Variants in NUDT6 observed in about 807,000 individuals in gnomAD.
NUDT6 encodes FAD diphosphatase NUDT6.
Under a neutral mutation model 36.8 loss-of-function variants are expected in NUDT6, and 24 were observed. That is an observed-to-expected ratio of 0.65 (90% CI 0.47 to 0.92). The LOEUF is 0.92. NUDT6 is among the 40% of genes least tolerant of loss of function. The pLI, the probability that NUDT6 is intolerant of heterozygous loss-of-function variation, is 0.00. For missense variants in NUDT6, 388 were observed against 392.8 expected, an observed-to-expected ratio of 0.99 and a Z score of 0.10; for synonymous variants, 163 against 157.0, an observed-to-expected ratio of 1.04 and a Z score of -0.29.
chr4:122,904,479 GAC>G (rs1382991681), intron 3 of NUDT6, among the ~76,000 whole-genome samples: 2 of 147,076 alleles, frequency 1.4e-5, no homozygotes, highest in Non-Finnish European at 1.5e-5. Context: ...TTTTTTTTTA[GAC>G]AGAGTCTTGC....
At chr4:122,896,397 G>T (rs1436278362) in intron 4 of NUDT6, 1 of 152,424 alleles carries the variant, frequency 6.6e-6, no homozygotes, top group Non-Finnish European at 1.5e-5. Flanking sequence ...AGATGCAGGA[G>T]AGAGGAAGCC....
chr4:122,905,002 T>A lies in NUDT6; in HGVS notation c.499-7324A>T, dbSNP rs556129028. Among the ~76,000 whole-genome samples the A allele has an allele frequency of 4.2e-4, 64 of 152,254 alleles. 1 individual carries two copies. The South Asian group carries it at 0.013, about 31-fold the overall frequency. On this transcript the variant is annotated intron_variant, in intron 3 of 4. Transcript: ENST00000304430. ...GAGCGAGCAGCAGCAAGATTTACTA[T>A]GAAGAGCCAAAGAACAAAGTTTCCA...
At chr4:122,902,379 T>C (rs531903252) in intron 3 of NUDT6, among the ~76,000 whole-genome samples, 1 of 152,334 alleles carries the variant, frequency 6.6e-6, no homozygotes, top group South Asian at 2.1e-4. Context: ...ATTCATTTTA[T>C]TATTTGTATC....
At chr4:122,919,451 G>C (rs532776927) in intron 1 of NUDT6, 3 of 152,334 alleles carry the variant, frequency 2.0e-5, no homozygotes, top group Middle Eastern at 6.8e-3. Flanking sequence ...TCTTGACCTC[G>C]TGATCTGCCC....
rs56178334 is a variant in NUDT6, at chr4:122,902,536, T to C, written c.499-4858A>G. Among the ~76,000 whole-genome samples the C allele has an allele frequency of 9.1e-3, 1,385 of 152,316 alleles. 9 individuals are homozygous for C. Among genetic ancestry groups the C allele is most frequent in the Non-Finnish European group, 0.014 (950 of 68,010 alleles). On this transcript the variant is annotated intron_variant, in intron 3 of 4. Coordinates refer to ENST00000304430, the MANE Select transcript of NUDT6 (RefSeq NM_007083.5). ...ACATCTCCACCTTATATAATATTCA[T>C]TCGTTTTATTATTTGTATCTTATGC...
chr4:122,921,611 A>AAAACAAACAAAC (rs1553953086), intron 1 of NUDT6: 1 of 119,130 alleles, frequency 8.4e-6, no homozygotes, highest in African/African-American at 3.8e-5. Context: ...AAAAAAAAAA[A>AAAACAAACAAAC]AAAAAAACAA....
intron 2 of NUDT6, among the ~76,000 whole-genome samples, chr4:122,913,608 T>C (rs1213774338): frequency 6.6e-6 from 1 of 152,228 alleles, no homozygotes; most frequent in Non-Finnish European, 1.5e-5. Flanking sequence ...CAATATTCAT[T>C]TCAAGACCTT....
rs369858295 is a variant in NUDT6, at chr4:122,892,940, T to C, written c.839A>G (p.Asp280Gly). The change falls in exon 5 of 5, where the codon GAC becomes GGC. Residue 280 changes from aspartate (D) to glycine (G), a missense_variant. By Grantham distance (94) the Asp-to-Gly change is moderately conservative (BLOSUM62 -1). Coordinates refer to ENST00000304430, the MANE Select transcript of NUDT6 (RefSeq NM_007083.5). ...LLLYGYREGF[D>G]KIDLTVEELP... is the part of the protein sequence containing the mutation. ...TTCTTCCACAGTCAGGTCAATTTTG[T>C]CAAACCCTTCTCTGTACCCATACAG... 6.2e-7 allele frequency: 1 copy of C among 1,614,094 alleles called. No homozygotes were observed. The highest frequency in any genetic ancestry group is 1.3e-5 in the African/African-American group (1 of 74,930).
intron 3 of NUDT6, among the ~76,000 whole-genome samples, chr4:122,905,462 C>A (rs1287549671): frequency 6.6e-6 from 1 of 152,050 alleles, no homozygotes; most frequent in East Asian, 1.9e-4. Context: ...TATTTGAATG[C>A]GAATGAGGAT....
intron 2 of NUDT6, among the ~76,000 whole-genome samples, chr4:122,915,404 A>G (rs1727808421): frequency 7.2e-6 from 1 of 139,244 alleles, no homozygotes; most frequent in South Asian, 2.5e-4. Flanking sequence ...AAAGAGGTGG[A>G]GGTCGGAATG....
At chr4:122,909,760 A>G (rs1177491798) in intron 3 of NUDT6, among the ~76,000 whole-genome samples, 2 of 152,232 alleles carry the variant, frequency 1.3e-5, no homozygotes, top group South Asian at 2.1e-4. Context: ...GCCTAAAGGT[A>G]TGACCTTCAA....
chr4:122,895,105 G>A (rs1727309818), intron 4 of NUDT6: 1 of 152,172 alleles, frequency 6.6e-6, no homozygotes, highest in Non-Finnish European at 1.5e-5. Flanking sequence ...GCAAATAAGT[G>A]CTTTTGTCTC....
Position 122,922,442 on chromosome 4 carries a change from C to T in NUDT6, c.131G>A (p.Cys44Tyr), listed in dbSNP as rs763069346. The change falls in exon 1 of 5, where the codon TGC becomes TAC. Residue 44 changes from cysteine (C) to tyrosine (Y), a missense_variant. Physicochemically the swap from Cys to Tyr is radical, Grantham distance 194. Transcript: ENST00000304430. ...GYVRNPPVGACDLQGELDRFG... is the reference protein window; with the variant it reads ...GYVRNPPVGAYDLQGELDRFG... The stretch of plus-strand genomic sequence containing the variant: ...TCTGTCCAGCTCGCCCTGCAGATCG[C>T]ACGCTCCAACTGGCGGATTCCGCAC... 1 of 1,612,238 alleles carries T rather than the reference C, an allele frequency of 6.2e-7. No homozygotes were observed. Among genetic ancestry groups the T allele is most frequent in the South Asian group, 1.1e-5 (1 of 91,080 alleles).
chr4:122,918,441 A>G (rs1201251929), intron 1 of NUDT6: 3 of 152,244 alleles, frequency 2.0e-5, no homozygotes, highest in African/African-American at 7.2e-5. Flanking sequence ...GTGCACAACC[A>G]TGAAAGGTAT....
At chr4:122,915,275 G>A (rs934285307) in intron 2 of NUDT6, among the ~76,000 whole-genome samples, 1 of 151,902 alleles carries the variant, frequency 6.6e-6, no homozygotes, top group Non-Finnish European at 1.5e-5. Flanking sequence ...CTGCACCCCA[G>A]CCTGGGCAAC....
At chr4:122,898,320 A>C (rs2150799677) in intron 3 of NUDT6, 1 of 152,254 alleles carries the variant, frequency 6.6e-6, no homozygotes, top group South Asian at 2.1e-4. Context: ...ATCTTGGAAT[A>C]GGGATAAATA....
chr4:122,905,913 A>G (rs1051159167), intron 3 of NUDT6, among the ~76,000 whole-genome samples: 32 of 152,128 alleles, frequency 2.1e-4, no homozygotes, highest in African/African-American at 7.7e-4. Flanking sequence ...TTTTAAGTAC[A>G]CTGTCCTAAT....
In NUDT6 at chr4:122,922,425, G is replaced by C. The variant is rs768092231; in HGVS notation, c.148C>G (p.Leu50Val). ...PVGACDLQGE[L>V]DRFGGISVRL... ...ACCGAGATGCCCCCGAATCTGTCCA[G>C]CTCGCCCTGCAGATCGCACGCTCCA... The change falls in exon 1 of 5, where the codon CTG becomes GTG. Residue 50 changes from leucine (L) to valine (V), a missense_variant. Physicochemically the swap from Leu to Val is conservative, Grantham distance 32. Coordinates refer to ENST00000304430, the MANE Select transcript of NUDT6 (RefSeq NM_007083.5). 6.2e-7 allele frequency: 1 copy of C among 1,611,814 alleles called. No individual in the cohort carries two copies. The highest frequency in any genetic ancestry group is 8.5e-7 in the Non-Finnish European group (1 of 1,179,858).
At chr4:122,918,095 C>G in intron 1 of NUDT6, 1 of 167,404 alleles carries the variant, frequency 6.0e-6, no homozygotes, top group East Asian at 1.6e-4. Context: ...TTATGGACTT[C>G]TATTTTTTTC....
Sources: allele counts gnomAD v4.1 joint callset (sites outside exome capture counted in the v4.1 genomes callset), GRCh38; gene constraint gnomAD v4.1.1; transcripts MANE v1.5; gene names NCBI Gene and HGNC (gene_info 2026-07-23, HGNC 2026-07-21).